The following NDEL1 variants were observed in gnomAD, a reference collection of about 807,000 sequenced individuals.
The protein encoded by NDEL1 is nudE neurodevelopment protein 1 like 1.
NDEL1 carries 9 observed loss-of-function variants against 45.7 expected under a neutral mutation model. The observed-to-expected ratio is 0.20, with a 90% CI of 0.12 to 0.34. The LOEUF (loss-of-function observed/expected upper bound fraction) is 0.34, where lower values mean the gene tolerates loss of function less well. Ranked by LOEUF, NDEL1 falls within the 10% of genes least tolerant of loss-of-function variation. NDEL1 has a pLI of 1.00. For missense variants in NDEL1, 306 were observed against 406.2 expected (o/e 0.75, Z 2.12); for synonymous variants, 133 against 158.6 (o/e 0.84, Z 1.21).
At chr17:8,455,815 G>A (rs1291467014) in intron 7 of NDEL1, among the ~76,000 whole-genome samples, 1 of 151,524 alleles carries the variant, frequency 6.6e-6, no homozygotes, top group East Asian at 1.9e-4. Context: ...GTTTTTATCA[G>A]CCATCTCTTG....
At chr17:8,459,908 T>C in intron 7 of NDEL1, 101 bp from the exon 8 acceptor site, 1 of 1,213,570 alleles carries the variant, frequency 8.2e-7, no homozygotes, top group Admixed American at 2.2e-5. Context: ...TCAACTGAGA[T>C]GAGTAAGTTT....
At chr17:8,464,654 T>TA (rs1254850849) in intron 8 of NDEL1, 1 of 152,286 alleles carries the variant, frequency 6.6e-6, no homozygotes, top group African/African-American at 2.4e-5. Flanking sequence ...CTGCACCACT[T>TA]ACTTTTCCCA....
In NDEL1 at chr17:8,438,443, A is replaced by G. The variant is rs534103958; in HGVS notation, c.-13+2398A>G. ...ACTTGAAGCAAACTGAACAGACTGTATAACAGCCCCTGAAACTGTCGTTTG... is the reference window on the plus strand; with the variant it reads ...ACTTGAAGCAAACTGAACAGACTGTGTAACAGCCCCTGAAACTGTCGTTTG... On this transcript the variant is annotated intron_variant, in intron 1 of 8. Transcript: ENST00000334527. 3.3e-5 allele frequency among the ~76,000 whole-genome samples: 5 copies of G among 152,372 alleles called. No homozygotes were observed. In the East Asian group the frequency reaches 7.7e-4, roughly 23 times the overall value.
At position 8,444,365 on chromosome 17, in the gene NDEL1, T is replaced by C. The variant is rs760682699; in HGVS notation, c.86+8T>C. ...CTTGAAGTATAAGCAAAGGTAATGT[T>C]GGAAAGCACACTAAAAGTAGGGGAG... On this transcript the variant is annotated splice_region_variant and intron_variant, in intron 2 of 8. Coordinates refer to ENST00000334527, the MANE Select transcript of NDEL1 (RefSeq NM_030808.5). The C allele has an allele frequency of 6.3e-7, 1 of 1,597,074 alleles. No individual in the cohort carries two copies. Among genetic ancestry groups the C allele is most frequent in the Non-Finnish European group, 8.6e-7 (1 of 1,166,022 alleles).
At chr17:8,453,529 T>A (rs1044230271) in intron 6 of NDEL1, among the ~76,000 whole-genome samples, 1 of 152,196 alleles carries the variant, frequency 6.6e-6, no homozygotes, top group African/African-American at 2.4e-5. Flanking sequence ...TCAAGAGCCG[T>A]TAATCATGAT....
At chr17:8,471,398 T>G (rs1911830147), downstream of NDEL1, among the ~76,000 whole-genome samples, 1 of 152,244 alleles carries the variant, frequency 6.6e-6, no homozygotes. Flanking sequence ...CCATCACAGC[T>G]GCGCCTACTG....
Position 8,460,058 on chromosome 17 carries a change from C to T in NDEL1, c.842C>T (p.Ala281Val), listed in dbSNP as rs1299262215. The change falls in exon 8 of 9, where the codon GCA becomes GTA. Residue 281 changes from alanine to valine, a missense_variant. By Grantham distance (64) the Ala-to-Val change is moderately conservative (BLOSUM62 0). Transcript: ENST00000334527. ...TGCAGGAATTTTGCAAAGGACCAAG[C>T]ATCACGAAAATCCTATATTTCAGGG... ...AACRNFAKDQ[A>V]SRKSYISGNV... 9 of 1,613,952 alleles carry T rather than the reference C, an allele frequency of 5.6e-6. No individual in the cohort carries two copies. Among genetic ancestry groups the T allele is most frequent in the Non-Finnish European group, 7.6e-6 (9 of 1,180,008 alleles).
intron 1 of NDEL1, among the ~76,000 whole-genome samples, chr17:8,442,970 G>A (rs1485862659): frequency 6.6e-6 from 1 of 151,528 alleles, no homozygotes; most frequent in African/African-American, 2.4e-5. Context: ...TAGCAGAGAT[G>A]GGGTTTCACC....
chr17:8,472,887 C>T (rs1911897845), downstream of NDEL1, among the ~76,000 whole-genome samples: 1 of 152,170 alleles, frequency 6.6e-6, no homozygotes, highest in African/African-American at 2.4e-5. Flanking sequence ...TGAGTTCCTC[C>T]TCACCGGGAA....
chr17:8,462,307 T>C (rs1227721647), intron 8 of NDEL1, among the ~76,000 whole-genome samples: 2 of 152,196 alleles, frequency 1.3e-5, no homozygotes, highest in Non-Finnish European at 2.9e-5. Flanking sequence ...GTTTAGCTTA[T>C]ATGATAAGTG....
chr17:8,452,613 G>C (rs968700169), intron 6 of NDEL1, among the ~76,000 whole-genome samples: 14 of 152,020 alleles, frequency 9.2e-5, no homozygotes, highest in African/African-American at 3.4e-4. Flanking sequence ...TCTTAGAGCT[G>C]ATCTTTCTGA....
intron 1 of NDEL1, among the ~76,000 whole-genome samples, chr17:8,439,016 A>G (rs1337321182): frequency 3.4e-5 from 5 of 147,328 alleles, no homozygotes; most frequent in East Asian, 4.0e-4. Flanking sequence ...CTCTCGGCTC[A>G]CTGCAAGTTC....
chr17:8,459,241 G>A (rs895871670), intron 7 of NDEL1, among the ~76,000 whole-genome samples: 2 of 152,110 alleles, frequency 1.3e-5, no homozygotes, highest in African/African-American at 2.4e-5. Flanking sequence ...TTTGATTTGG[G>A]CAAAGTGTTT....
intron 6 of NDEL1, among the ~76,000 whole-genome samples, chr17:8,452,107 A>C (rs919773995): frequency 6.6e-6 from 1 of 152,204 alleles, no homozygotes; most frequent in Admixed American, 6.5e-5. Flanking sequence ...CGCTAGGTTT[A>C]CTGCTGAGGA....
chr17:8,424,162 G>T (rs115123101), intron 1 of NDEL1, among the ~76,000 whole-genome samples: 1 of 152,270 alleles, frequency 6.6e-6, no homozygotes, highest in Admixed American at 6.5e-5. Context: ...AACGTATAAC[G>T]TATGTATGTT....
At chr17:8,432,372 T>TATTATATATAAATATATATATA (rs1909037517), upstream of NDEL1, among the ~76,000 whole-genome samples, 1 of 131,648 alleles carries the variant, frequency 7.6e-6, no homozygotes, top group Non-Finnish European at 1.6e-5. Flanking sequence ...ATATATATAT[T>TATTATATATAAATATATATATA]TAATGGCAGG....
intron 1 of NDEL1, among the ~76,000 whole-genome samples, chr17:8,430,371 AGAGTT>A (rs1344419644): frequency 6.6e-6 from 1 of 152,226 alleles, no homozygotes; most frequent in Non-Finnish European, 1.5e-5. Context: ...CTGATTCAGT[AGAGTT>A]AAGTATGCCC....
At chr17:8,450,561 C>T (rs1910425704) in intron 5 of NDEL1, among the ~76,000 whole-genome samples, 1 of 152,098 alleles carries the variant, frequency 6.6e-6, no homozygotes, top group South Asian at 2.1e-4. Context: ...TAAGTAACTT[C>T]TCTCAGGTTA....
rs1910737337 is a variant in NDEL1 at position 8,454,953 on chromosome 17, A to G, written c.792+66A>G. On this transcript the variant is annotated intron_variant, in intron 7 of 8. Transcript: ENST00000334527. Reference sequence around the variant, plus strand: ...AGGTATTGAATTATTTCTTAATTTGAAGTGAGGGAAGAAAGAAAGGATACT... The same window carrying G: ...AGGTATTGAATTATTTCTTAATTTGGAGTGAGGGAAGAAAGAAAGGATACT... 7 of 1,363,010 alleles carry G rather than the reference A, an allele frequency of 5.1e-6. No homozygotes were observed. In the South Asian group the frequency reaches 8.4e-5, roughly 16 times the overall value. The allele number at this position is 1,363,010 out of a possible 1,614,324, so 84.4% of individuals were successfully genotyped here. A position where few individuals can be genotyped will look rare whatever the true frequency, so the allele number is the denominator to read the frequency against.
Sources: allele counts gnomAD v4.1 joint callset (sites outside exome capture counted in the v4.1 genomes callset), GRCh38; gene constraint gnomAD v4.1.1; transcripts MANE v1.5; gene names NCBI Gene and HGNC (gene_info 2026-07-23, HGNC 2026-07-21).